SGMS1: variants seen among roughly 807,000 people sequenced by gnomAD.
The protein encoded by SGMS1 is sphingomyelin synthase 1.
Under a neutral mutation model 46.2 loss-of-function variants are expected in SGMS1, and 13 were observed. The observed-to-expected ratio is 0.28, with a 90% confidence interval of 0.18 to 0.45. SGMS1 has a LOEUF of 0.45. Among genes scored for constraint, SGMS1 ranks in the 20% least tolerant of loss-of-function variants. The pLI is 1.00. For missense variants in SGMS1, 324 were observed against 519.9 expected (o/e 0.62, Z 3.66); for synonymous variants, 203 against 187.8 (o/e 1.08, Z -0.66).
At chr10:50,394,478 G>A (rs1200147203) in intron 6 of SGMS1, among the ~76,000 whole-genome samples, 1 of 152,224 alleles carries the variant, frequency 6.6e-6, no homozygotes, top group Admixed American at 6.5e-5. Context: ...AAGAGTCCCA[G>A]TTGGAGCACC....
intron 1 of SGMS1, among the ~76,000 whole-genome samples, chr10:50,605,398 T>C (rs1838685827): frequency 6.6e-6 from 1 of 152,236 alleles, no homozygotes; most frequent in Non-Finnish European, 1.5e-5. Context: ...GCATATCCAG[T>C]GAGCATTTAA....
intron 6 of SGMS1, among the ~76,000 whole-genome samples, chr10:50,349,229 A>G (rs1847964985): frequency 6.6e-6 from 1 of 152,236 alleles, no homozygotes; most frequent in Non-Finnish European, 1.5e-5. Context: ...GGAATTCTCT[A>G]CGTATTCATC....
chr10:50,347,675 T>C (rs1477882234), intron 6 of SGMS1, among the ~76,000 whole-genome samples: 2 of 152,062 alleles, frequency 1.3e-5, no homozygotes, highest in African/African-American at 2.4e-5. Flanking sequence ...CCAAGGGAGA[T>C]GAACACAGGC....
At position 50,457,218 on chromosome 10, in the gene SGMS1, A is replaced by G. The variant is rs189943790; in HGVS notation, c.-313+3455T>C. 2.6e-5 allele frequency among the ~76,000 whole-genome samples: 4 copies of G among 152,338 alleles called. No homozygotes were observed. In the East Asian group the frequency reaches 7.7e-4, roughly 29 times the overall value. On this transcript the variant is annotated intron_variant, in intron 5 of 10. Coordinates refer to ENST00000361781, the MANE Select transcript of SGMS1 (RefSeq NM_147156.4). ...ATTATGCTAAGTAAAAATGGATATA[A>G]AACACTAAGATTTTAAGTTTGCATT...
At chr10:50,507,671 C>T (rs1837719072) in intron 3 of SGMS1, among the ~76,000 whole-genome samples, 1 of 152,150 alleles carries the variant, frequency 6.6e-6, no homozygotes, top group Non-Finnish European at 1.5e-5. Flanking sequence ...CCAACCACCT[C>T]TTTTTTTCCT....
At chr10:50,531,523 C>G (rs539480352) in intron 2 of SGMS1, among the ~76,000 whole-genome samples, 1 of 152,256 alleles carries the variant, frequency 6.6e-6, no homozygotes, top group Non-Finnish European at 1.5e-5. Flanking sequence ...ATGGTTAGTA[C>G]TGAACCAGAG....
At chr10:50,604,168 G>A (rs1395766055) in intron 1 of SGMS1, among the ~76,000 whole-genome samples, 2 of 152,074 alleles carry the variant, frequency 1.3e-5, no homozygotes, top group East Asian at 3.9e-4. Flanking sequence ...CAGACAGTAA[G>A]GAAACTGCTG....
intron 3 of SGMS1, among the ~76,000 whole-genome samples, chr10:50,491,103 T>C (rs1837564256): frequency 6.6e-6 from 1 of 151,992 alleles, no homozygotes; most frequent in African/African-American, 2.4e-5. Flanking sequence ...TTCCAGCAAT[T>C]TGGGAGGCTG....
chr10:50,358,157 A>G (rs1298698086), intron 6 of SGMS1, among the ~76,000 whole-genome samples: 1 of 152,044 alleles, frequency 6.6e-6, no homozygotes. Context: ...TTTAATAATA[A>G]AAACAAAAGC....
At chr10:50,428,981 A>C (rs1849365355) in intron 6 of SGMS1, among the ~76,000 whole-genome samples, 1 of 152,224 alleles carries the variant, frequency 6.6e-6, no homozygotes, top group Non-Finnish European at 1.5e-5. Flanking sequence ...TCCAACAAAA[A>C]ACCTATTTAT....
At chr10:50,472,668 C>A (rs943909050) in intron 3 of SGMS1, 1 of 152,138 alleles carries the variant, frequency 6.6e-6, no homozygotes, top group African/African-American at 2.4e-5. Context: ...ACATTCAGAT[C>A]AAATTTCTTT....
intron 3 of SGMS1, among the ~76,000 whole-genome samples, chr10:50,476,863 G>A (rs1283181716): frequency 6.6e-6 from 1 of 152,244 alleles, no homozygotes; most frequent in Non-Finnish European, 1.5e-5. Context: ...AGGCTTGAGG[G>A]CTTCCACCTA....
intron 3 of SGMS1, among the ~76,000 whole-genome samples, chr10:50,511,481 A>T (rs2133773643): frequency 6.6e-6 from 1 of 152,308 alleles, no homozygotes; most frequent in East Asian, 1.9e-4. Flanking sequence ...TTCTTAAAGC[A>T]GAATACAAAG....
intron 5 of SGMS1, among the ~76,000 whole-genome samples, chr10:50,444,529 A>G (rs963906944): frequency 6.6e-6 from 1 of 152,176 alleles, no homozygotes; most frequent in Non-Finnish European, 1.5e-5. Flanking sequence ...CAACAAATTG[A>G]GCAGAAACAA....
chr10:50,374,436 C>G (rs1229740935), intron 6 of SGMS1, among the ~76,000 whole-genome samples: 2 of 148,394 alleles, frequency 1.3e-5, no homozygotes, highest in Non-Finnish European at 1.5e-5. Flanking sequence ...GTGCTCCCCC[C>G]ACCCCCACCC....
chr10:50,373,994 A>C (rs1589412884), intron 6 of SGMS1, among the ~76,000 whole-genome samples: 1 of 152,330 alleles, frequency 6.6e-6, no homozygotes, highest in East Asian at 1.9e-4. Flanking sequence ...CAGATTATGA[A>C]AGCACTCTGG....
intron 6 of SGMS1, among the ~76,000 whole-genome samples, chr10:50,424,938 G>A (rs1234702534): frequency 8.9e-5 from 13 of 145,378 alleles, no homozygotes; most frequent in Admixed American, 2.1e-4. Flanking sequence ...AAAAGGAGAA[G>A]ACATATGAGC....
chr10:50,617,501 T>TAC (rs1349219481), intron 1 of SGMS1, among the ~76,000 whole-genome samples: 4 of 152,250 alleles, frequency 2.6e-5, no homozygotes, highest in African/African-American at 9.6e-5. Context: ...CACAGGTATG[T>TAC]ACATCTGTCA....
At chr10:50,347,990 C>T in intron 6 of SGMS1, among the ~76,000 whole-genome samples, 1 of 152,198 alleles carries the variant, frequency 6.6e-6, no homozygotes. Flanking sequence ...TTAAGCCCCT[C>T]ATGCATTAGG....
Sources: gnomAD v4.1 joint callset for allele counts (sites outside exome capture counted in the v4.1 genomes callset) on GRCh38, gnomAD v4.1.1 for gene constraint, MANE v1.5 for transcripts, NCBI Gene and HGNC (gene_info 2026-07-23, HGNC 2026-07-21) for gene names.